WDFY4: variants seen among roughly 807,000 people sequenced by gnomAD.
WDFY4 encodes WDFY family member 4.
A neutral mutation model predicts 351.9 loss-of-function variants in WDFY4; 169 were observed. The ratio of observed to expected loss-of-function variants is 0.48; its 90% CI spans 0.42 to 0.55. WDFY4 has a LOEUF of 0.55. Among genes scored for constraint, WDFY4 ranks in the 20% least tolerant of loss-of-function variants. WDFY4 has a pLI of 0.00. For synonymous variants in WDFY4, 1,622 were observed against 1,574.6 expected (o/e 1.03, Z -0.71); for missense variants, 3,803 against 3,935.6 (o/e 0.97, Z 0.90).
intron 47 of WDFY4, among the ~76,000 whole-genome samples, chr10:48,931,923 G>C (rs1589933023): frequency 6.6e-6 from 1 of 152,224 alleles, no homozygotes; most frequent in African/African-American, 2.4e-5. Flanking sequence ...GCAGCTTCTA[G>C]ATAGGATGGC....
chr10:48,777,551 C>T (rs2066074423), intron 17 of WDFY4, 56 bp downstream of exon 17: 1 of 1,474,916 alleles, frequency 6.8e-7, no homozygotes, highest in Non-Finnish European at 9.3e-7. Flanking sequence ...TATGAGTCTT[C>T]AGATAGCCTT....
At chr10:48,757,007 T>C (rs995873875) in intron 12 of WDFY4, among the ~76,000 whole-genome samples, 1 of 151,538 alleles carries the variant, frequency 6.6e-6, no homozygotes, top group Non-Finnish European at 1.5e-5. Flanking sequence ...GTAGAACTGG[T>C]GTTATTTCTC....
chr10:48,970,091 C>T (rs768767300), intron 56 of WDFY4, 40 bp from the exon 57 acceptor site: 4 of 1,545,480 alleles, frequency 2.6e-6, no homozygotes. Context: ...CCTGTCCCTG[C>T]TGTCTCCACA....
At chr10:48,877,877 C>A (rs1482459475) in intron 43 of WDFY4, 1 of 152,304 alleles carries the variant, frequency 6.6e-6, no homozygotes, top group South Asian at 2.1e-4. Flanking sequence ...AGAGAAGGAC[C>A]CCTCTTCCCC....
intron 4 of WDFY4, among the ~76,000 whole-genome samples, chr10:48,722,179 G>A (rs994642072): frequency 6.6e-6 from 1 of 152,188 alleles, no homozygotes; most frequent in Non-Finnish European, 1.5e-5. Context: ...CCAGGGGGTG[G>A]TACATGACCT....
intron 6 of WDFY4, among the ~76,000 whole-genome samples, chr10:48,726,955 G>A (rs559371029): frequency 3.3e-5 from 5 of 152,074 alleles, no homozygotes; most frequent in Non-Finnish European, 7.4e-5. Flanking sequence ...TAAGCCCCAT[G>A]GCCTGTCCCC....
chr10:48,719,412 G>A (rs1474359426), intron 2 of WDFY4, among the ~76,000 whole-genome samples: 2 of 152,218 alleles, frequency 1.3e-5, no homozygotes, highest in African/African-American at 4.8e-5. Flanking sequence ...TGCCGAGGGT[G>A]TAGAGAAACC....
rs145059556 is a variant in WDFY4 at position 48,948,144 on chromosome 10, C to T, written c.7977+1175C>T. Among the ~76,000 whole-genome samples the T allele has an allele frequency of 5.3e-3, 801 of 152,308 alleles. 20 individuals are homozygous for T. The highest frequency in any genetic ancestry group is 0.045 in the Admixed American group (692 of 15,306). Reference sequence around the variant, plus strand: ...GCACTTTCTCCAAATAAGGAGCAAACGTCCTCCTGTCTTCCATTACTTGGC... The same window carrying T: ...GCACTTTCTCCAAATAAGGAGCAAATGTCCTCCTGTCTTCCATTACTTGGC... On this transcript the variant is annotated intron_variant, in intron 51 of 61. Transcript: ENST00000325239.
chr10:48,828,612 T>G (rs888245606), intron 36 of WDFY4, among the ~76,000 whole-genome samples, 166 bp from the exon 37 acceptor site: 1 of 152,216 alleles, frequency 6.6e-6, no homozygotes. Flanking sequence ...AAATATCTGC[T>G]GTGGAATTTC....
At chr10:48,871,025 C>T (rs1167481084) in intron 40 of WDFY4, among the ~76,000 whole-genome samples, 1 of 152,276 alleles carries the variant, frequency 6.6e-6, no homozygotes, top group East Asian at 1.9e-4. Context: ...GTTCCGCCTT[C>T]CCGGTTCACA....
intron 2 of WDFY4, among the ~76,000 whole-genome samples, chr10:48,717,906 A>C (rs1191430800): frequency 6.6e-6 from 1 of 152,246 alleles, no homozygotes; most frequent in Non-Finnish European, 1.5e-5. Context: ...TTTAGGGAAT[A>C]TACCTAGCAA....
intron 13 of WDFY4, among the ~76,000 whole-genome samples, 183 bp from the exon 14 acceptor site, chr10:48,774,275 C>T (rs547730961): frequency 0.011 from 1,437 of 136,248 alleles, 33 homozygotes; most frequent in African/African-American, 0.039. Flanking sequence ...ACAGACTTGC[C>T]CCCCGCCAGG....
intron 61 of WDFY4, 150 bp from the exon 62 acceptor site, chr10:48,982,359 C>T (rs1842845975): frequency 1.7e-6 from 1 of 577,686 alleles, no homozygotes; most frequent in Non-Finnish European, 2.9e-6. Flanking sequence ...TCCATTCCTC[C>T]CACTGCCTCC....
chr10:48,964,176 T>A (rs1295016811), intron 54 of WDFY4, 122 bp downstream of exon 54: 3 of 1,092,466 alleles, frequency 2.7e-6, no homozygotes, highest in Non-Finnish European at 4.0e-6. Context: ...CCCATCATCT[T>A]CCTGTGCTTT....
Position 48,909,445 on chromosome 10 carries a change from A to G in WDFY4, c.7586+7582A>G, listed in dbSNP as rs186212485. The G allele has an allele frequency of 3.3e-5, 5 of 152,188 alleles. No individual in the cohort carries two copies. The East Asian group carries it at 9.6e-4, about 29-fold the overall frequency. 9.4% of individuals were successfully genotyped at this position (152,188 alleles called of 1,614,324 possible). On this transcript the variant is annotated intron_variant, in intron 47 of 61. Transcript: ENST00000325239. ...GGAGTTGCTTGAGGTATCTTAGTCC[A>G]TTTGCATTGCTGTAAAGGAATACTT... is the stretch of plus-strand genomic sequence containing the variant.
intron 39 of WDFY4, among the ~76,000 whole-genome samples, chr10:48,856,366 A>G (rs1337578210): frequency 6.6e-6 from 1 of 152,168 alleles, no homozygotes; most frequent in Non-Finnish European, 1.5e-5. Flanking sequence ...TGTCAGATTG[A>G]TAAGAGTATT....
intron 40 of WDFY4, among the ~76,000 whole-genome samples, chr10:48,870,146 G>A (rs1431471174): frequency 6.6e-6 from 1 of 152,154 alleles, no homozygotes; most frequent in African/African-American, 2.4e-5. Context: ...TTTGAAGGCT[G>A]GTCAACCCCA....
At chr10:48,906,415 A>G (rs959657224) in intron 47 of WDFY4, among the ~76,000 whole-genome samples, 1 of 152,218 alleles carries the variant, frequency 6.6e-6, no homozygotes, top group African/African-American at 2.4e-5. Flanking sequence ...TTCCAAGTAG[A>G]AAATACTTGC....
chr10:48,811,800 C>T lies in WDFY4; in HGVS notation c.5214+92C>T, dbSNP rs1434615806. The T allele has an allele frequency of 1.7e-5, 22 of 1,311,580 alleles. 1 individual carries two copies. The South Asian group carries it at 3.0e-4, about 18-fold the overall frequency. 81.2% of individuals were successfully genotyped at this position (1,311,580 alleles called of 1,614,324 possible). ...CGCCAAGACCCTCTGCACTTACCTC[C>T]CTCTGCTTCTTCCAGCTCAGATGGG... On this transcript the variant is annotated intron_variant, in intron 30 of 61. Transcript: ENST00000325239.
Sources: gnomAD v4.1 joint callset for allele counts (sites outside exome capture counted in the v4.1 genomes callset) on GRCh38, gnomAD v4.1.1 for gene constraint, MANE v1.5 for transcripts, NCBI Gene and HGNC (gene_info 2026-07-23, HGNC 2026-07-21) for gene names.